The following PARD3 variants were observed in gnomAD, a reference collection of about 807,000 sequenced individuals.
PARD3 encodes the protein par-3 family cell polarity regulator.
PARD3 carries 75 observed loss-of-function variants against 155.4 expected under a neutral mutation model. The observed-to-expected ratio is 0.48, with a 90% CI of 0.40 to 0.58. The LOEUF (loss-of-function observed/expected upper bound fraction) is 0.58. Among genes scored for constraint, PARD3 ranks in the 20% least tolerant of loss-of-function variants. The pLI, the probability that PARD3 is intolerant of heterozygous loss-of-function variation, is 0.00. For synonymous variants in PARD3, 576 were observed against 610.5 expected (o/e 0.94, Z 0.83); for missense variants, 1,642 against 1,721.7 (o/e 0.95, Z 0.82).
intron 18 of PARD3, among the ~76,000 whole-genome samples, chr10:34,333,394 T>C (rs1464502047): frequency 6.6e-6 from 1 of 152,110 alleles, no homozygotes; most frequent in East Asian, 1.9e-4. Flanking sequence ...GGTCAAAGTA[T>C]AATTCGATAA....
At chr10:34,353,267 G>A (rs922940445) in intron 14 of PARD3, among the ~76,000 whole-genome samples, 7 of 152,206 alleles carry the variant, frequency 4.6e-5, no homozygotes, top group South Asian at 2.1e-4. Flanking sequence ...CAGTTTTGTC[G>A]AGTAGAAAAG....
At chr10:34,336,391 TC>T in intron 17 of PARD3, 148 bp from the exon 18 acceptor site, 3 of 583,500 alleles carry the variant, frequency 5.1e-6, no homozygotes, top group Non-Finnish European at 6.0e-6. Flanking sequence ...ACATTCATAA[TC>T]AAAAAAGGAG....
At chr10:34,773,495 A>G (rs1192866873) in intron 1 of PARD3, among the ~76,000 whole-genome samples, 1 of 152,240 alleles carries the variant, frequency 6.6e-6, no homozygotes, top group Non-Finnish European at 1.5e-5. Context: ...AGAGGACTGC[A>G]AGGGCATGAA....
chr10:34,296,405 G>GT (rs1249539183), intron 20 of PARD3, among the ~76,000 whole-genome samples: 1 of 151,676 alleles, frequency 6.6e-6, no homozygotes. Context: ...TAATTTTTAA[G>GT]TTTTTTGTAG....
intron 22 of PARD3, among the ~76,000 whole-genome samples, chr10:34,137,085 C>A (rs1333666776): frequency 6.6e-6 from 1 of 152,166 alleles, no homozygotes; most frequent in Non-Finnish European, 1.5e-5. Context: ...GTGGACAGAA[C>A]CCACACTTGC....
intron 22 of PARD3, among the ~76,000 whole-genome samples, chr10:34,196,160 G>C (rs953217815): frequency 6.6e-6 from 1 of 152,064 alleles, no homozygotes; most frequent in African/African-American, 2.4e-5. Context: ...GAGCTCCTTT[G>C]TCTATAGCTT....
intron 21 of PARD3, among the ~76,000 whole-genome samples, chr10:34,272,547 C>T (rs566170639): frequency 6.6e-6 from 1 of 152,102 alleles, no homozygotes; most frequent in African/African-American, 2.4e-5. Flanking sequence ...CTAGGCAACA[C>T]AGTAAAACCC....
intron 22 of PARD3, among the ~76,000 whole-genome samples, chr10:34,190,636 T>G (rs1588691898): frequency 6.6e-6 from 1 of 152,232 alleles, no homozygotes; most frequent in East Asian, 1.9e-4. Flanking sequence ...CAACACAATT[T>G]CTGCCCTTGG....
intron 22 of PARD3, among the ~76,000 whole-genome samples, chr10:34,228,657 T>G (rs1180195057): frequency 6.6e-6 from 1 of 152,104 alleles, no homozygotes; most frequent in East Asian, 1.9e-4. Context: ...AACATTATAC[T>G]TCAATAAAGC....
intron 1 of PARD3, among the ~76,000 whole-genome samples, chr10:34,758,220 T>G (rs1225665167): frequency 1.3e-5 from 2 of 152,204 alleles, no homozygotes; most frequent in Admixed American, 1.3e-4. Context: ...AAGAAAAAGT[T>G]TTAAAATCAC....
chr10:34,453,353 T>A (rs2077163528), intron 4 of PARD3, among the ~76,000 whole-genome samples: 1 of 152,228 alleles, frequency 6.6e-6, no homozygotes, highest in Non-Finnish European at 1.5e-5. Flanking sequence ...TAACTATGGT[T>A]CTAACTTATA....
At chr10:34,221,388 CTTTTT>C (rs3039277) in intron 22 of PARD3, among the ~76,000 whole-genome samples, 5 of 119,788 alleles carry the variant, frequency 4.2e-5, no homozygotes, top group African/African-American at 9.6e-5. Flanking sequence ...CAGGACTTGC[CTTTTT>C]TTTTTTTTTT....
intron 5 of PARD3, among the ~76,000 whole-genome samples, chr10:34,432,094 C>G (rs1368857541): frequency 8.9e-6 from 1 of 112,688 alleles, no homozygotes; most frequent in Non-Finnish European, 1.9e-5. Context: ...CCCAGAATAT[C>G]AAGATAATAA....
chr10:34,201,264 G>A (rs896227399), intron 22 of PARD3, among the ~76,000 whole-genome samples: 12 of 152,164 alleles, frequency 7.9e-5, no homozygotes, highest in African/African-American at 1.4e-4. Flanking sequence ...GTGGCATACC[G>A]CACTCAATGA....
chr10:34,263,802 A>C (rs2133822883), intron 22 of PARD3, among the ~76,000 whole-genome samples: 1 of 152,358 alleles, frequency 6.6e-6, no homozygotes, highest in South Asian at 2.1e-4. Flanking sequence ...TTAAAGAATT[A>C]AGAAGACTAG....
At chr10:34,186,718 C>T (rs1009687815) in intron 22 of PARD3, among the ~76,000 whole-genome samples, 6 of 152,112 alleles carry the variant, frequency 3.9e-5, no homozygotes, top group African/African-American at 1.4e-4. Flanking sequence ...GTCAGCCTCT[C>T]CTTCCTCTTC....
chr10:34,150,967 GAA>G (rs763683442), intron 22 of PARD3, among the ~76,000 whole-genome samples: 1 of 152,112 alleles, frequency 6.6e-6, no homozygotes, highest in African/African-American at 2.4e-5. Context: ...GATTTCTCAT[GAA>G]AAGAGGGAAA....
intron 5 of PARD3, among the ~76,000 whole-genome samples, chr10:34,405,038 C>T (rs1194704718): frequency 6.6e-6 from 1 of 151,474 alleles, no homozygotes; most frequent in East Asian, 1.9e-4. Flanking sequence ...TGCCACTGCA[C>T]TCCAGCCTGG....
At chr10:34,595,158 A>T (rs2089134544) in intron 2 of PARD3, among the ~76,000 whole-genome samples, 1 of 152,188 alleles carries the variant, frequency 6.6e-6, no homozygotes, top group Non-Finnish European at 1.5e-5. Context: ...GAATATCACA[A>T]TGTCAAGTTC....
Sources: gnomAD v4.1 joint callset for allele counts (sites outside exome capture counted in the v4.1 genomes callset) on GRCh38, gnomAD v4.1.1 for gene constraint, MANE v1.5 for transcripts, NCBI Gene and HGNC (gene_info 2026-07-23, HGNC 2026-07-21) for gene names.